NFAT5: variants seen among roughly 807,000 people sequenced by gnomAD.
NFAT5 encodes nuclear factor of activated T cells 5, also known as nuclear factor of activated T-cells 5.
In NFAT5, 31 loss-of-function variants were observed where a neutral mutation model predicts 166.5. The observed-to-expected ratio is 0.19, with a 90% confidence interval of 0.14 to 0.25. The LOEUF is 0.25. NFAT5 is among the 10% of genes least tolerant of loss of function. NFAT5 has a pLI of 1.00. For missense variants in NFAT5, 1,449 were observed against 1,821.8 expected (o/e 0.80, Z 3.72); for synonymous variants, 612 against 639.7 (o/e 0.96, Z 0.65).
chr16:69,585,298 G>T (rs1049996129), intron 2 of NFAT5, among the ~76,000 whole-genome samples: 10 of 151,638 alleles, frequency 6.6e-5, no homozygotes, highest in Non-Finnish European at 1.0e-4. Context: ...TGTGAGCCAC[G>T]GCGCCCAGCC....
In NFAT5 at chr16:69,653,413, C is replaced by A; in HGVS notation, c.990C>A (p.Gly330=). ...CAGTGAAAGATAGAACACAGCAAGGCTTTCCTACAGTAAAGGTATTTACTT... is the reference window on the plus strand; with the variant it reads ...CAGTGAAAGATAGAACACAGCAAGGATTTCCTACAGTAAAGGTATTTACTT... ...RGSVKDRTQQ[G]FPTVKLEGHN... The change falls in exon 5 of 15, where the codon GGC becomes GGA. Residue 330 remains glycine (G), a synonymous_variant. Transcript: ENST00000349945. 6.3e-7 allele frequency: 1 copy of A among 1,577,886 alleles called. No homozygotes were observed. Among genetic ancestry groups the A allele is most frequent in the Non-Finnish European group, 8.6e-7 (1 of 1,168,892 alleles).
intron 10 of NFAT5, among the ~76,000 whole-genome samples, chr16:69,682,436 C>A (rs866286763): frequency 6.6e-6 from 1 of 150,700 alleles, no homozygotes; most frequent in African/African-American, 2.4e-5. Context: ...AGTGAGACCC[C>A]CCCCCCCGCC....
chr16:69,668,516 C>T (rs9937018), intron 7 of NFAT5, among the ~76,000 whole-genome samples: 24,384 of 152,052 alleles, frequency 0.16, 2,133 homozygotes, highest in East Asian at 0.36. Context: ...GTTTCATGTA[C>T]AGCTATACAC....
At chr16:69,627,346 A>T (rs557403739) in intron 3 of NFAT5, among the ~76,000 whole-genome samples, 1 of 1,442 alleles carries the variant, frequency 6.9e-4, no homozygotes, top group Admixed American at 3.3e-3. Flanking sequence ...ATATATATAT[A>T]TATATATATA....
chr16:69,579,812 A>G (rs1326265140), intron 2 of NFAT5, among the ~76,000 whole-genome samples: 2 of 152,232 alleles, frequency 1.3e-5, no homozygotes, highest in Non-Finnish European at 2.9e-5. Context: ...AACATGCATT[A>G]CTAACTGGCT....
intron 10 of NFAT5, among the ~76,000 whole-genome samples, chr16:69,678,923 T>G (rs1337964619): frequency 6.6e-6 from 1 of 152,190 alleles, no homozygotes; most frequent in Non-Finnish European, 1.5e-5. Flanking sequence ...AATTTTTCTA[T>G]TCACTATTCT....
chr16:69,643,910 C>T (rs889762967), intron 3 of NFAT5, among the ~76,000 whole-genome samples: 7 of 152,176 alleles, frequency 4.6e-5, no homozygotes, highest in African/African-American at 1.7e-4. Flanking sequence ...GCACTCAGAT[C>T]TCTTGCTAAC....
At chr16:69,687,064 T>C (rs2037336726) in intron 11 of NFAT5, among the ~76,000 whole-genome samples, 1 of 152,172 alleles carries the variant, frequency 6.6e-6, no homozygotes, top group Non-Finnish European at 1.5e-5. Flanking sequence ...TATTATTGAA[T>C]TAACAAGATG....
chr16:69,637,805 T>C (rs2035030797), intron 3 of NFAT5, among the ~76,000 whole-genome samples: 1 of 152,194 alleles, frequency 6.6e-6, no homozygotes, highest in Non-Finnish European at 1.5e-5. Context: ...TGATAGAGGA[T>C]GATGAAATCA....
chr16:69,588,962 C>T (rs569385855), intron 2 of NFAT5, among the ~76,000 whole-genome samples: 20 of 148,800 alleles, frequency 1.3e-4, no homozygotes, highest in African/African-American at 4.4e-4. Flanking sequence ...TTGGACCCTC[C>T]CTCCTCTTTT....
intron 4 of NFAT5, among the ~76,000 whole-genome samples, chr16:69,651,687 TGA>T (rs2035672371): frequency 2.0e-5 from 3 of 149,772 alleles, no homozygotes; most frequent in Non-Finnish European, 2.9e-5. Context: ...TTTTTTTTTT[TGA>T]GACGGAGTTT....
chr16:69,639,231 C>T (rs2035100922), intron 3 of NFAT5, among the ~76,000 whole-genome samples: 1 of 152,058 alleles, frequency 6.6e-6, no homozygotes, highest in African/African-American at 2.4e-5. Flanking sequence ...GTTTTATACA[C>T]TGTGCTTAGA....
Position 69,578,213 on chromosome 16 carries a change from C to T in NFAT5, c.127+9665C>T, listed in dbSNP as rs143309816. On this transcript the variant is annotated intron_variant, in intron 2 of 14. Coordinates refer to ENST00000349945, the MANE Select transcript of NFAT5 (RefSeq NM_138713.4). ...GGGACTTGAGCATCTGGAAATTTTG[C>T]GGGAAGTCCTGCAACCCATCTCCAA... is the stretch of plus-strand genomic sequence containing the variant. 8.3e-4 allele frequency among the ~76,000 whole-genome samples: 126 copies of T among 152,152 alleles called. No homozygotes were observed. In the East Asian group the frequency reaches 0.016, roughly 19 times the overall value.
In NFAT5 at chr16:69,589,083, G is replaced by A. The variant is rs553253621; in HGVS notation, c.127+20535G>A. Among the ~76,000 whole-genome samples the A allele has an allele frequency of 9.6e-5, 13 of 135,472 alleles. No individual in the cohort carries two copies. The East Asian group carries it at 2.6e-3, about 27-fold the overall frequency. The allele number at this position is 135,472 out of a possible 152,430, so 88.9% of individuals were successfully genotyped here. ...AATCTTGGCTCACCACAACCTCCAC[G>A]TCCTGGGTACAAGTGATTCTCCTGC... On this transcript the variant is annotated intron_variant, in intron 2 of 14. Coordinates refer to ENST00000349945, the MANE Select transcript of NFAT5 (RefSeq NM_138713.4).
intron 3 of NFAT5, among the ~76,000 whole-genome samples, chr16:69,635,023 G>GTTTTTTT (rs530661389): frequency 6.6e-5 from 7 of 105,268 alleles, no homozygotes; most frequent in African/African-American, 7.6e-5. Context: ...TGTTAGTAAA[G>GTTTTTTT]TTTTTTTTTT....
Position 69,693,303 on chromosome 16 carries a change from C to T in NFAT5, c.3478C>T (p.Leu1160Phe). The T allele has an allele frequency of 6.2e-7, 1 of 1,614,222 alleles. No homozygotes were observed. The highest frequency in any genetic ancestry group is 8.5e-7 in the Non-Finnish European group (1 of 1,180,046). Reference sequence around the variant, plus strand: ...AGACCAGCAGTCAACCAACATATTTCTTTCCCAGAGTCCCATGAATAATCT... The same window carrying T: ...AGACCAGCAGTCAACCAACATATTTTTTTCCCAGAGTCCCATGAATAATCT... The part of the protein sequence containing the change: ...PQDQQSTNIF[L>F]SQSPMNNLQT... Residue 1160 changes from leucine (L) to phenylalanine (F), a missense_variant, in exon 13 of 15, where the codon CTT (leucine) becomes TTT (phenylalanine). Leu to Phe is a conservative substitution (Grantham distance 22). Transcript: ENST00000349945.
Position 69,692,931 on chromosome 16 carries a change from C to G in NFAT5, c.3106C>G (p.Gln1036Glu), listed in dbSNP as rs370973558. 4 of 1,614,056 alleles carry G rather than the reference C, an allele frequency of 2.5e-6. No homozygotes were observed. The African/African-American group carries it at 5.3e-5, about 22-fold the overall frequency. The change falls in exon 13 of 15, where the codon CAA becomes GAA. Residue 1036 changes from glutamine to glutamate, a missense_variant. Physicochemically the swap from Gln to Glu is conservative, Grantham distance 29 (BLOSUM62 2). Transcript: ENST00000349945. ...CCAAATGCAACATAGTGGGGACAAT[C>G]AACCTCAAGTTAACCTTTTTTCATC... ...MVQMQHSGDN[Q>E]PQVNLFSSTK...
chr16:69,602,667 C>T (rs2033195936), intron 2 of NFAT5, among the ~76,000 whole-genome samples: 1 of 151,096 alleles, frequency 6.6e-6, no homozygotes. Flanking sequence ...TGCAGTGGCA[C>T]AATCTTGGCT....
chr16:69,654,848 C>T (rs1244516121), intron 5 of NFAT5, among the ~76,000 whole-genome samples: 2 of 152,150 alleles, frequency 1.3e-5, no homozygotes, highest in Non-Finnish European at 2.9e-5. Context: ...CTTTGTTTGG[C>T]ATGCATTGTA....
Sources: allele counts gnomAD v4.1 joint callset (sites outside exome capture counted in the v4.1 genomes callset), GRCh38; gene constraint gnomAD v4.1.1; transcripts MANE v1.5; gene names NCBI Gene and HGNC (gene_info 2026-07-23, HGNC 2026-07-21).